Variants in GOLGA4 observed in about 807,000 individuals in gnomAD.
GOLGA4 encodes the protein golgin A4.
GOLGA4 carries 169 observed loss-of-function variants against 265.9 expected under a neutral mutation model. That is an observed-to-expected ratio of 0.64 (90% CI 0.56 to 0.72). The LOEUF (loss-of-function observed/expected upper bound fraction) is 0.72. Ranked by LOEUF, GOLGA4 falls within the 30% of genes least tolerant of loss-of-function variation. The pLI, the probability that GOLGA4 is intolerant of heterozygous loss-of-function variation, is 0.00. For missense variants in GOLGA4, 2,482 were observed against 2,483.4 expected (o/e 1.00, Z 0.01); for synonymous variants, 923 against 855.8 (o/e 1.08, Z -1.37).
At chr3:37,317,458 CT>C (rs1352401521) in intron 11 of GOLGA4, among the ~76,000 whole-genome samples, 1 of 152,214 alleles carries the variant, frequency 6.6e-6, no homozygotes, top group Non-Finnish European at 1.5e-5. Context: ...GCGTGAGCCA[CT>C]GTGCCTGGCC....
rs185520717 is a variant in GOLGA4, at chr3:37,257,962, T to C, written c.162+6478T>C. Among the ~76,000 whole-genome samples, 922 of 101,122 alleles carry C rather than the reference T, an allele frequency of 9.1e-3. 72 individuals carry two copies. The highest frequency in any genetic ancestry group is 0.018 in the African/African-American group (355 of 19,984). The allele number at this position is 101,122 out of a possible 152,430, so 66.3% of individuals were successfully genotyped here. On this transcript the variant is annotated intron_variant, in intron 2 of 23. Coordinates refer to ENST00000361924, the MANE Select transcript of GOLGA4 (RefSeq NM_002078.5). ...ATACATATATATGTATGTATATATGTATATATACATACATATATATATGTA... is the reference window on the plus strand; with the variant it reads ...ATACATATATATGTATGTATATATGCATATATACATACATATATATATGTA...
rs376261576 is a variant in GOLGA4 at position 37,274,267 on chromosome 3, AG to A, written c.163-7690del. On this transcript the variant is annotated intron_variant, in intron 2 of 23. Coordinates refer to ENST00000361924, the MANE Select transcript of GOLGA4 (RefSeq NM_002078.5). ...AATATGAAGGAATGAGATCTTTTAA[AG>A]TATTCTCTACTTTAAAGTGTATTTT... Among the ~76,000 whole-genome samples the A allele has an allele frequency of 1.7e-3, 256 of 152,262 alleles. 4 individuals carry two copies. The highest frequency in any genetic ancestry group is 5.6e-3 in the African/African-American group (233 of 41,534).
At chr3:37,329,216 A>G (rs116813783) in intron 16 of GOLGA4, 123 bp downstream of exon 16, 52 of 715,816 alleles carry the variant, frequency 7.3e-5, no homozygotes, top group African/African-American at 5.2e-4. Context: ...TTTTGACTCA[A>G]TATTATTCAA....
At chr3:37,320,708 A>G (rs1466783739) in intron 12 of GOLGA4, among the ~76,000 whole-genome samples, 1 of 152,226 alleles carries the variant, frequency 6.6e-6, no homozygotes, top group Non-Finnish European at 1.5e-5. Context: ...TGCCTGTCAT[A>G]AGGACCTACT....
At chr3:37,341,808 G>T (rs890733966) in intron 20 of GOLGA4, 2 of 152,130 alleles carry the variant, frequency 1.3e-5, no homozygotes, top group African/African-American at 4.8e-5. Context: ...TTCCATGTAA[G>T]AATTTCCTAC....
chr3:37,258,029 ATATGTATATATACATACATATATATATG>A (rs1560280705), intron 2 of GOLGA4, among the ~76,000 whole-genome samples: 25 of 76,336 alleles, frequency 3.3e-4, no homozygotes, highest in African/African-American at 1.5e-3. Context: ...ATGTATGTAT[ATATGTATATATACATACATATATATATG>A]TATGTATATA....
At chr3:37,257,689 C>G (rs2096752650) in intron 2 of GOLGA4, among the ~76,000 whole-genome samples, 1 of 151,018 alleles carries the variant, frequency 6.6e-6, no homozygotes, top group African/African-American at 2.4e-5. Context: ...TGTCACTTTG[C>G]CTATTGAATT....
rs2096880093 is a variant in GOLGA4, at chr3:37,296,961, T to G, written c.814+742T>G. 1.3e-5 allele frequency among the ~76,000 whole-genome samples: 2 copies of G among 151,998 alleles called. 1 individual carries two copies. The highest frequency in any genetic ancestry group is 4.1e-4 in the South Asian group (2 of 4,830). ...ATTCATTTATTATGCTACACTGTTT[T>G]ATTAATAGCAGTAGCTAGATTTCAT... On this transcript the variant is annotated intron_variant, in intron 7 of 23. Coordinates refer to ENST00000361924, the MANE Select transcript of GOLGA4 (RefSeq NM_002078.5).
chr3:37,293,157 A>G, intron 5 of GOLGA4, among the ~76,000 whole-genome samples: 1 of 152,206 alleles, frequency 6.6e-6, no homozygotes, highest in East Asian at 1.9e-4. Flanking sequence ...GAGGTAAGAA[A>G]TCTGTCTAGA....
At chr3:37,304,843 C>T (rs1185740276) in intron 10 of GOLGA4, among the ~76,000 whole-genome samples, 2 of 152,024 alleles carry the variant, frequency 1.3e-5, no homozygotes, top group Admixed American at 1.3e-4. Context: ...TTTTGTCTTT[C>T]AGTGTGATTT....
chr3:37,304,633 T>C (rs764503971), intron 10 of GOLGA4, among the ~76,000 whole-genome samples: 3 of 152,208 alleles, frequency 2.0e-5, no homozygotes, highest in Non-Finnish European at 2.9e-5. Context: ...GGGGATTACA[T>C]TTCTTTTAAA....
At chr3:37,251,578 C>A in intron 2 of GOLGA4, 94 bp downstream of exon 2, 2 of 711,762 alleles carry the variant, frequency 2.8e-6, no homozygotes, top group South Asian at 1.7e-5. Flanking sequence ...TTTGACAGGT[C>A]AGCTATTTAA....
chr3:37,324,528 TA>T lies in GOLGA4; in HGVS notation c.2646del (p.Lys882AsnfsTer3). On this transcript the variant is annotated frameshift_variant, in exon 14 of 24. Transcript: ENST00000361924. LOFTEE classifies it high-confidence loss of function. ...EKQNSEMEQK[V>X]KSLTQVYESK... ...CAAAATAGTGAAATGGAGCAAAAAG[TA>T]AAATCTTTAACCCAAGTCTATGAGT... is the stretch of plus-strand genomic sequence containing the variant. The T allele has an allele frequency of 6.2e-7, 1 of 1,613,714 alleles. No individual in the cohort carries two copies. The highest frequency in any genetic ancestry group is 8.5e-7 in the Non-Finnish European group (1 of 1,179,872).
chr3:37,323,417 C>A (rs898460639), intron 13 of GOLGA4, among the ~76,000 whole-genome samples, 171 bp from the exon 14 acceptor site: 3 of 152,116 alleles, frequency 2.0e-5, no homozygotes, highest in African/African-American at 4.8e-5. Context: ...TTGCCATAAT[C>A]TTTTCTTTGT....
rs2150595631 is a variant in GOLGA4, at chr3:37,251,480, G to A, written c.158G>A (p.Arg53Lys). The A allele has an allele frequency of 6.3e-7, 1 of 1,586,540 alleles. No individual in the cohort carries two copies. The highest frequency in any genetic ancestry group is 1.1e-5 in the South Asian group (1 of 90,486). ...CAACTTGATGAAGGTACACCCAATAGAGAGGTAAGTTTGGAATTCCTTTTC... is the reference window on the plus strand; with the variant it reads ...CAACTTGATGAAGGTACACCCAATAAAGAGGTAAGTTTGGAATTCCTTTTC... ...TEQLDEGTPN[R>K]ESGDTQSFAQ... Residue 53 changes from arginine (R) to lysine (K), a missense_variant, in exon 2 of 24, where the codon AGA (arginine) becomes AAA (lysine). Arg to Lys is a conservative substitution (Grantham distance 26, BLOSUM62 2). Transcript: ENST00000361924.
At chr3:37,247,957 C>T (rs538240822) in intron 1 of GOLGA4, among the ~76,000 whole-genome samples, 1 of 152,304 alleles carries the variant, frequency 6.6e-6, no homozygotes, top group Non-Finnish European at 1.5e-5. Context: ...AGTTTAGACC[C>T]ATCCAGGTAA....
At chr3:37,330,330 C>T (rs925197510) in intron 16 of GOLGA4, among the ~76,000 whole-genome samples, 4 of 151,990 alleles carry the variant, frequency 2.6e-5, no homozygotes, top group Non-Finnish European at 4.4e-5. Context: ...AAGACTTCTT[C>T]CTAAGAAAGG....
At chr3:37,319,292 C>T (rs549035722) in intron 12 of GOLGA4, 98 bp downstream of exon 12, 8 of 945,724 alleles carry the variant, frequency 8.5e-6, no homozygotes, top group Non-Finnish European at 1.3e-5. Flanking sequence ...AGTCAGACTA[C>T]TGGCAGTCTT....
chr3:37,310,404 T>C (rs1228167881), intron 10 of GOLGA4, among the ~76,000 whole-genome samples: 1 of 152,230 alleles, frequency 6.6e-6, no homozygotes, highest in Non-Finnish European at 1.5e-5. Context: ...CTTTTCTTAC[T>C]ACTTCAGCTA....
Sources: allele counts gnomAD v4.1 joint callset (sites outside exome capture counted in the v4.1 genomes callset), GRCh38; gene constraint gnomAD v4.1.1; transcripts MANE v1.5; gene names NCBI Gene and HGNC (gene_info 2026-07-23, HGNC 2026-07-21).